The following EYS variants were observed in gnomAD, a reference collection of about 807,000 sequenced individuals.
The protein encoded by EYS is protein eyes shut homolog.
Under a neutral mutation model 282.1 loss-of-function variants are expected in EYS, and 250 were observed. That is an observed-to-expected ratio of 0.89 (90% CI 0.80 to 0.98). The LOEUF (loss-of-function observed/expected upper bound fraction) is 0.98. EYS is among the 50% of genes least tolerant of loss of function. The probability of loss-of-function intolerance (pLI) is 0.00; values close to 1 mark genes in which losing one functional copy is unlikely to be tolerated. For synonymous variants in EYS, 1,355 were observed against 1,282.9 expected (o/e 1.06, Z -1.20); for missense variants, 4,016 against 3,709.0 (o/e 1.08, Z -2.15).
intron 26 of EYS, among the ~76,000 whole-genome samples, chr6:64,543,346 A>T (rs1764746296): frequency 6.6e-6 from 1 of 152,126 alleles, no homozygotes; most frequent in East Asian, 1.9e-4. Context: ...AAATTATCTT[A>T]GTGGATTATT....
At chr6:63,942,926 T>A (rs893286878) in intron 35 of EYS, among the ~76,000 whole-genome samples, 2 of 152,212 alleles carry the variant, frequency 1.3e-5, no homozygotes, top group African/African-American at 4.8e-5. Flanking sequence ...TTTCACTTAA[T>A]GGATAGTAAA....
intron 28 of EYS, 34 bp from the exon 29 acceptor site, chr6:64,388,874 TAA>T: frequency 5.1e-6 from 7 of 1,363,064 alleles, no homozygotes; most frequent in Non-Finnish European, 6.8e-6. Flanking sequence ...GGTTTTAGTA[TAA>T]GTCATATAAA....
chr6:65,206,877 AAAT>A (rs1766049655), intron 12 of EYS, among the ~76,000 whole-genome samples: 1 of 151,894 alleles, frequency 6.6e-6, no homozygotes, highest in Non-Finnish European at 1.5e-5. Context: ...AAATACATCA[AAAT>A]AATAAGAGCC....
Position 65,598,243 on chromosome 6 carries a change from C to G in EYS, c.-333+41535G>C, listed in dbSNP as rs1233558260. ...GAAGACCCTCCTCCCCACCCACCCC[C>G]CCCCCAAAAAAAAAAACAAAAACTT... On this transcript the variant is annotated intron_variant, in intron 2 of 42. Transcript: ENST00000503581. 4.6e-5 allele frequency among the ~76,000 whole-genome samples: 4 copies of G among 86,524 alleles called. 1 individual carries two copies. The highest frequency in any genetic ancestry group is 6.6e-4 in the South Asian group (1 of 1,524). 56.8% of individuals were successfully genotyped at this position (86,524 alleles called of 152,430 possible).
intron 15 of EYS, among the ~76,000 whole-genome samples, chr6:64,928,853 G>A: frequency 6.6e-6 from 1 of 151,942 alleles, no homozygotes; most frequent in Non-Finnish European, 1.5e-5. Flanking sequence ...CTCTAAACAA[G>A]CAAAATTATC....
chr6:65,313,403 A>T (rs1363795785), intron 11 of EYS, among the ~76,000 whole-genome samples: 2 of 151,900 alleles, frequency 1.3e-5, no homozygotes, highest in African/African-American at 4.8e-5. Context: ...CCTTGACTCA[A>T]AACTTATTCA....
intron 26 of EYS, among the ~76,000 whole-genome samples, chr6:64,553,545 A>AACCCC (rs1765150929): frequency 6.5e-5 from 3 of 46,454 alleles, no homozygotes; most frequent in Non-Finnish European, 9.1e-5. Flanking sequence ...CTTTTGTTTG[A>AACCCC]CCCCCCCCCC....
intron 29 of EYS, among the ~76,000 whole-genome samples, chr6:64,348,177 G>T (rs1450366859): frequency 6.6e-6 from 1 of 151,130 alleles, no homozygotes; most frequent in Non-Finnish European, 1.5e-5. Flanking sequence ...AATAACTATT[G>T]AGCACTATTA....
chr6:63,761,377 T>C (rs925755372), intron 41 of EYS, among the ~76,000 whole-genome samples: 2 of 151,984 alleles, frequency 1.3e-5, no homozygotes, highest in African/African-American at 2.4e-5. Flanking sequence ...ATAATCACAC[T>C]CTTAAGACAT....
At chr6:63,762,357 T>G in intron 41 of EYS, 104 bp downstream of exon 41, 1 of 1,079,580 alleles carries the variant, frequency 9.3e-7, no homozygotes, top group African/African-American at 1.6e-5. Flanking sequence ...GGATTTGAAT[T>G]TTATTATATG....
chr6:64,734,601 C>T (rs1185046761), intron 22 of EYS, among the ~76,000 whole-genome samples: 1 of 152,132 alleles, frequency 6.6e-6, no homozygotes, highest in African/African-American at 2.4e-5. Flanking sequence ...TAGCCATTTA[C>T]AATTTTTTGT....
At chr6:65,343,043 A>AAT (rs1313556952) in intron 10 of EYS, among the ~76,000 whole-genome samples, 7 of 150,992 alleles carry the variant, frequency 4.6e-5, no homozygotes, top group South Asian at 2.1e-4. Flanking sequence ...TGATTGGCAA[A>AAT]ATATATATAT....
At chr6:63,813,047 T>G (rs1245678121) in intron 36 of EYS, among the ~76,000 whole-genome samples, 1 of 152,154 alleles carries the variant, frequency 6.6e-6, no homozygotes, top group Non-Finnish European at 1.5e-5. Context: ...GGTGCAATCT[T>G]GGCTCACTGC....
intron 11 of EYS, among the ~76,000 whole-genome samples, chr6:65,314,232 C>A (rs975458430): frequency 6.6e-6 from 1 of 150,688 alleles, no homozygotes; most frequent in Non-Finnish European, 1.5e-5. Context: ...AAATCGAAAC[C>A]CCCCCTCCAC....
At chr6:64,750,618 A>T (rs1772715289) in intron 22 of EYS, among the ~76,000 whole-genome samples, 1 of 152,228 alleles carries the variant, frequency 6.6e-6, no homozygotes, top group Admixed American at 6.5e-5. Flanking sequence ...AATAAGGCAT[A>T]GCAGCATAAG....
At chr6:64,239,766 CTG>C (rs1420519780) in intron 30 of EYS, among the ~76,000 whole-genome samples, 1 of 151,996 alleles carries the variant, frequency 6.6e-6, no homozygotes, top group Non-Finnish European at 1.5e-5. Flanking sequence ...TAATCAAATC[CTG>C]TTTGTCTATT....
intron 26 of EYS, among the ~76,000 whole-genome samples, chr6:64,509,978 G>A (rs931415379): frequency 3.3e-5 from 5 of 151,948 alleles, no homozygotes; most frequent in African/African-American, 1.2e-4. Flanking sequence ...CTTTCATATT[G>A]ATTTTATTAT....
chr6:65,128,776 A>G (rs1775787754), intron 12 of EYS, among the ~76,000 whole-genome samples: 1 of 152,012 alleles, frequency 6.6e-6, no homozygotes, highest in Non-Finnish European at 1.5e-5. Flanking sequence ...TTTCTACCAT[A>G]CTAACAACTT....
chr6:65,138,001 C>G (rs1776071658), intron 12 of EYS, among the ~76,000 whole-genome samples: 2 of 151,614 alleles, frequency 1.3e-5, no homozygotes, highest in Admixed American at 6.6e-5. Flanking sequence ...AAAAAAAGAA[C>G]AAAAAATTAA....
Sources: allele counts gnomAD v4.1 joint callset (sites outside exome capture counted in the v4.1 genomes callset), GRCh38; gene constraint gnomAD v4.1.1; transcripts MANE v1.5; gene names NCBI Gene and HGNC (gene_info 2026-07-23, HGNC 2026-07-21).